GRID2: variants seen among roughly 807,000 people sequenced by gnomAD.
GRID2 encodes the protein glutamate ionotropic receptor delta type subunit 2, also known as glutamate receptor ionotropic, delta-2.
In GRID2, 33 loss-of-function variants were observed where a neutral mutation model predicts 114.8. The observed-to-expected ratio is 0.29, with a 90% CI of 0.22 to 0.38. GRID2 has a LOEUF of 0.38. Ranked by LOEUF, GRID2 falls within the 10% of genes least tolerant of loss-of-function variation. GRID2 has a pLI of 1.00. For missense variants in GRID2, 1,184 were observed against 1,257.7 expected (o/e 0.94, Z 0.89); for synonymous variants, 505 against 449.9 (o/e 1.12, Z -1.55).
intron 2 of GRID2, among the ~76,000 whole-genome samples, chr4:92,687,444 G>A (rs1733964556): frequency 6.6e-6 from 1 of 152,106 alleles, no homozygotes; most frequent in African/African-American, 2.4e-5. Flanking sequence ...TAGCTTCCAA[G>A]TGAAAATAAC....
intron 2 of GRID2, among the ~76,000 whole-genome samples, chr4:92,791,466 T>A (rs755630490): frequency 4.0e-5 from 6 of 151,876 alleles, no homozygotes; most frequent in Non-Finnish European, 8.8e-5. Flanking sequence ...TTAGTTTTAC[T>A]TAAGAATTGT....
At chr4:93,591,451 G>A (rs1020288074) in intron 13 of GRID2, among the ~76,000 whole-genome samples, 29 of 152,006 alleles carry the variant, frequency 1.9e-4, no homozygotes, top group African/African-American at 4.8e-4. Flanking sequence ...TGCTGGATTC[G>A]GTTTGCCAGT....
At chr4:92,920,346 C>T (rs923669950) in intron 2 of GRID2, among the ~76,000 whole-genome samples, 1 of 152,182 alleles carries the variant, frequency 6.6e-6, no homozygotes, top group Non-Finnish European at 1.5e-5. Context: ...ATCCCATTTA[C>T]ATTTAAAATT....
At chr4:92,538,577 G>T (rs1725766318) in intron 1 of GRID2, among the ~76,000 whole-genome samples, 1 of 152,120 alleles carries the variant, frequency 6.6e-6, no homozygotes, top group African/African-American at 2.4e-5. Context: ...TAACAAAGTT[G>T]TTTTGAAGTT....
intron 1 of GRID2, among the ~76,000 whole-genome samples, chr4:92,491,549 C>A (rs750083271): frequency 8.5e-5 from 13 of 152,080 alleles, no homozygotes; most frequent in Non-Finnish European, 1.8e-4. Flanking sequence ...CTTTCCCTTG[C>A]CATTTGAAAT....
chr4:92,469,802 T>C (rs972118443), intron 1 of GRID2, among the ~76,000 whole-genome samples: 5 of 151,664 alleles, frequency 3.3e-5, no homozygotes, highest in South Asian at 4.1e-4. Context: ...TGATGAGAGA[T>C]ACTTGGAAGA....
chr4:92,889,372 C>T (rs1746586705), intron 2 of GRID2, among the ~76,000 whole-genome samples: 1 of 152,126 alleles, frequency 6.6e-6, no homozygotes, highest in Admixed American at 6.6e-5. Flanking sequence ...AAAACCCCAT[C>T]CATCGTCTCA....
chr4:93,645,237 C>G (rs767284338), intron 14 of GRID2, among the ~76,000 whole-genome samples: 2 of 152,052 alleles, frequency 1.3e-5, no homozygotes, highest in Admixed American at 6.6e-5. Flanking sequence ...TTAGCCTCAC[C>G]GGCTGAGAGA....
At position 92,713,476 on chromosome 4, in the gene GRID2, C is replaced by CATATATATATAT. The variant is rs10593127; in HGVS notation, c.244+123221_244+123232dup. On this transcript the variant is annotated intron_variant, in intron 2 of 15. Coordinates refer to ENST00000282020, the MANE Select transcript of GRID2 (RefSeq NM_001510.4). Reference sequence around the variant, plus strand: ...TTACATATATTTACATATACATATACATATATATATATATATATATATATA... The same window carrying CATATATATATAT: ...TTACATATATTTACATATACATATACATATATATATATATATATATATATATATATATATATA... Among the ~76,000 whole-genome samples, 68 of 54,032 alleles carry CATATATATATAT rather than the reference C, an allele frequency of 1.3e-3. 1 individual carries two copies. The highest frequency in any genetic ancestry group is 1.4e-3 in the Non-Finnish European group (42 of 29,362). 35.4% of individuals were successfully genotyped at this position (54,032 alleles called of 152,430 possible). A position where few individuals can be genotyped will look rare whatever the true frequency, so the allele number is the denominator to read the frequency against.
At position 93,769,449 on chromosome 4, in the gene GRID2, A is replaced by G; in HGVS notation, c.2600A>G (p.Glu867Gly). ...AAAGGCTCCCGGGTTCCATCAAAAGAGGTACTTGATTGAGAGATTTGGCTC... is the reference window on the plus strand; with the variant it reads ...AAAGGCTCCCGGGTTCCATCAAAAGGGGTACTTGATTGAGAGATTTGGCTC... ...KRKGSRVPSK[E>G]DDKEIDLEHL... Residue 867 changes from glutamate (E) to glycine (G), a missense_variant and splice_region_variant, in exon 15 of 16, where the codon GAG becomes GGG. Glu to Gly is a moderately conservative substitution (Grantham distance 98). Transcript: ENST00000282020. 1 of 1,613,780 alleles carries G rather than the reference A, an allele frequency of 6.2e-7. No individual in the cohort carries two copies. The highest frequency in any genetic ancestry group is 8.5e-7 in the Non-Finnish European group (1 of 1,179,872).
At chr4:92,631,513 AAAT>A (rs1366248291) in intron 2 of GRID2, among the ~76,000 whole-genome samples, 2 of 152,134 alleles carry the variant, frequency 1.3e-5, no homozygotes, top group Non-Finnish European at 2.9e-5. Flanking sequence ...CTAATTAGGA[AAAT>A]AATTTTAAAT....
rs547845439 is a variant in GRID2 at position 92,504,775 on chromosome 4, G to A, written c.89-85356G>A. On this transcript the variant is annotated intron_variant, in intron 1 of 15. Transcript: ENST00000282020. ...TGGCATCCAAGATTTCATTAAAATCGTACCTTTTCTATCTTGCTTTTAAAC... is the reference window on the plus strand; with the variant it reads ...TGGCATCCAAGATTTCATTAAAATCATACCTTTTCTATCTTGCTTTTAAAC... 3.2e-4 allele frequency among the ~76,000 whole-genome samples: 49 copies of A among 151,694 alleles called. 1 individual carries two copies. Among genetic ancestry groups the A allele is most frequent in the Middle Eastern group, 6.8e-3 (2 of 294 alleles).
chr4:93,251,503 AT>A (rs554395085), intron 8 of GRID2, among the ~76,000 whole-genome samples: 8 of 152,132 alleles, frequency 5.3e-5, no homozygotes, highest in African/African-American at 1.7e-4. Flanking sequence ...AAATATTCCA[AT>A]TTTTTAAACT....
rs1734246450 is a variant in GRID2, at chr4:93,773,431, A to T, written c.*933A>T. ...TGTTTGCCAACAGAAAATATTTTAT[A>T]CTTTTGTTATTAAAGCATCCAGGGC... On this transcript the variant is annotated 3_prime_UTR_variant, in exon 16 of 16. Transcript: ENST00000282020. 1 of 152,144 alleles carries T rather than the reference A, an allele frequency of 6.6e-6. No homozygotes were observed. The highest frequency in any genetic ancestry group is 6.5e-5 in the Admixed American group (1 of 15,280). The allele number at this position is 152,144 out of a possible 1,614,324, so 9.4% of individuals were successfully genotyped here.
At chr4:93,156,405 G>A (rs181319369) in intron 4 of GRID2, among the ~76,000 whole-genome samples, 5 of 151,808 alleles carry the variant, frequency 3.3e-5, no homozygotes, top group Non-Finnish European at 4.4e-5. Context: ...TGTTGGAATA[G>A]ATTGGAGGGG....
At chr4:93,187,226 C>A (rs2149442848) in intron 4 of GRID2, among the ~76,000 whole-genome samples, 1 of 152,282 alleles carries the variant, frequency 6.6e-6, no homozygotes, top group Middle Eastern at 3.4e-3. Flanking sequence ...GATTTATGTC[C>A]TTCTCACATG....
chr4:93,353,674 A>T (rs1761024880), intron 8 of GRID2, among the ~76,000 whole-genome samples: 1 of 152,046 alleles, frequency 6.6e-6, no homozygotes, highest in African/African-American at 2.4e-5. Flanking sequence ...ATTGACAGTG[A>T]GTTTAAAGCA....
At chr4:92,497,494 T>C (rs1723450176) in intron 1 of GRID2, among the ~76,000 whole-genome samples, 1 of 151,826 alleles carries the variant, frequency 6.6e-6, no homozygotes, top group South Asian at 2.1e-4. Flanking sequence ...CAAATTTTAG[T>C]ATATTAGCCT....
At chr4:93,666,459 G>C (rs1723956167) in intron 14 of GRID2, among the ~76,000 whole-genome samples, 1 of 152,102 alleles carries the variant, frequency 6.6e-6, no homozygotes, top group East Asian at 1.9e-4. Flanking sequence ...GATGGGGTTT[G>C]GCATGTCATT....
Sources: gnomAD v4.1 joint callset for allele counts (sites outside exome capture counted in the v4.1 genomes callset) on GRCh38, gnomAD v4.1.1 for gene constraint, MANE v1.5 for transcripts, NCBI Gene and HGNC (gene_info 2026-07-23, HGNC 2026-07-21) for gene names.